The following CYP2B6 variants were observed in gnomAD, a reference collection of about 807,000 sequenced individuals.
CYP2B6 encodes the protein cytochrome P450 2B6.
CYP2B6 carries 35 observed loss-of-function variants against 43.4 expected under a neutral mutation model. The ratio of observed to expected loss-of-function variants is 0.81; its 90% CI spans 0.62 to 1.07. The LOEUF (loss-of-function observed/expected upper bound fraction) is 1.07, where lower values mean the gene tolerates loss of function less well. Ranked by LOEUF, CYP2B6 falls within the 50% of genes least tolerant of loss-of-function variation. The pLI is 0.00. For missense variants in CYP2B6, 624 were observed against 632.8 expected (o/e 0.99, Z 0.15); for synonymous variants, 239 against 239.2 (o/e 1.00, Z 0.01).
chr19:41,000,240 C>T (rs1387819695), intron 1 of CYP2B6, among the ~76,000 whole-genome samples: 3 of 152,258 alleles, frequency 2.0e-5, no homozygotes, highest in African/African-American at 7.2e-5. Context: ...GCTGCCCCTC[C>T]TTACTGAGCC....
At chr19:41,015,627 C>T (rs7259965) in intron 8 of CYP2B6, among the ~76,000 whole-genome samples, 43,646 of 152,062 alleles carry the variant, frequency 0.29, 6,714 homozygotes, top group South Asian at 0.38. Flanking sequence ...CTCTGAGAAT[C>T]AGTGGAAGCC....
chr19:41,000,179 T>G (rs1030910131), intron 1 of CYP2B6, among the ~76,000 whole-genome samples: 1 of 152,102 alleles, frequency 6.6e-6, no homozygotes, highest in African/African-American at 2.4e-5. Flanking sequence ...AGCAGCTCCC[T>G]TGAGAAGACT....
chr19:41,009,982 C>T lies in CYP2B6; in HGVS notation c.823-12C>T. On this transcript the variant is annotated splice_polypyrimidine_tract_variant and intron_variant, in intron 5 of 8. Coordinates refer to ENST00000324071, the MANE Select transcript of CYP2B6 (RefSeq NM_000767.5). The stretch of plus-strand genomic sequence containing the variant: ...CCCTGACCCTCCCCTTCCTTCCCTA[C>T]TGTGGACGCAGGAGAAATCCAACGC... 6.2e-7 allele frequency: 1 copy of T among 1,614,098 alleles called. No individual in the cohort carries two copies. Among genetic ancestry groups the T allele is most frequent in the Non-Finnish European group, 8.5e-7 (1 of 1,180,012 alleles).
Position 41,009,839 on chromosome 19 carries a change from C to T in CYP2B6, c.823-155C>T, listed in dbSNP as rs138285500. 336 of 739,620 alleles carry T rather than the reference C, an allele frequency of 4.5e-4. No homozygotes were observed. In the African/African-American group the frequency reaches 4.7e-3, roughly 10 times the overall value. 45.8% of individuals were successfully genotyped at this position (739,620 alleles called of 1,614,324 possible). On this transcript the variant is annotated intron_variant, in intron 5 of 8. Coordinates refer to ENST00000324071, the MANE Select transcript of CYP2B6 (RefSeq NM_000767.5). ...GGCTGAGAGAGATGAGTTAGAGATA[C>T]GCGGTTGGATGTGTAGAGGACAGAG...
At position 41,010,754 on chromosome 19, in the gene CYP2B6, T is replaced by C. The variant is rs142978769; in HGVS notation, c.964+619T>C. On this transcript the variant is annotated intron_variant, in intron 6 of 8. Coordinates refer to ENST00000324071, the MANE Select transcript of CYP2B6 (RefSeq NM_000767.5). Reference sequence around the variant, plus strand: ...GTATTTATCACCCAAACAGTGTACATTGTACCCATTAAGTAATTTCTCATC... The same window carrying C: ...GTATTTATCACCCAAACAGTGTACACTGTACCCATTAAGTAATTTCTCATC... Among the ~76,000 whole-genome samples the C allele has an allele frequency of 2.0e-5, 3 of 152,268 alleles. No individual in the cohort carries two copies. The South Asian group carries it at 6.2e-4, about 32-fold the overall frequency.
chr19:41,009,931 C>T, intron 5 of CYP2B6, 63 bp from the exon 6 acceptor site: 11 of 1,603,502 alleles, frequency 6.9e-6, no homozygotes, highest in Non-Finnish European at 9.4e-6. Context: ...GGGAGATGGG[C>T]GTATACACAG....
In CYP2B6 at chr19:41,001,575, A is replaced by G. The variant is rs147969222; in HGVS notation, c.172-2426A>G. The stretch of plus-strand genomic sequence containing the variant: ...CGTCAGTTAAGATCATGACAATGAG[A>G]ATGTGTGCCCCTAAGGTGGTTGTGA... On this transcript the variant is annotated intron_variant, in intron 1 of 8. Transcript: ENST00000324071. 1.6e-3 allele frequency among the ~76,000 whole-genome samples: 237 copies of G among 152,240 alleles called. 1 individual carries two copies. The highest frequency in any genetic ancestry group is 5.6e-3 in the African/African-American group (232 of 41,510).
chr19:41,004,461 A>T lies in CYP2B6; in HGVS notation c.484+15A>T. 6.2e-7 allele frequency: 1 copy of T among 1,612,726 alleles called. No homozygotes were observed. Among genetic ancestry groups the T allele is most frequent in the Non-Finnish European group, 8.5e-7 (1 of 1,179,502 alleles). ...GAAATCCAAGGGTGAGTCCTGGGGG[A>T]TGAATAGGAAAGAAAGACAATGAAA... On this transcript the variant is annotated intron_variant, in intron 3 of 8. Coordinates refer to ENST00000324071, the MANE Select transcript of CYP2B6 (RefSeq NM_000767.5).
At chr19:41,001,469 C>T (rs1599844479) in intron 1 of CYP2B6, among the ~76,000 whole-genome samples, 2 of 152,068 alleles carry the variant, frequency 1.3e-5, no homozygotes, top group African/African-American at 4.8e-5. Context: ...CAATAAGCTT[C>T]CAGATTCTTT....
At position 41,009,299 on chromosome 19, in the gene CYP2B6, T is replaced by C. The variant is rs766884221; in HGVS notation, c.726T>C (p.Asn242=). Residue 242 remains asparagine (N), a synonymous_variant, in exon 5 of 9, where the codon AAT becomes AAC. Coordinates refer to ENST00000324071, the MANE Select transcript of CYP2B6 (RefSeq NM_000767.5). ...RQVYKNLQEI[N]AYIGHSVEKH... is the part of the protein sequence containing the mutation. ...TTTACAAAAACCTGCAGGAAATCAA[T>C]GCTTACATTGGCCACAGTGTGGAGA... is the stretch of plus-strand genomic sequence containing the variant. 3.1e-6 allele frequency: 5 copies of C among 1,612,960 alleles called. No individual in the cohort carries two copies. Among genetic ancestry groups the C allele is most frequent in the Non-Finnish European group, 4.2e-6 (5 of 1,179,404 alleles).
At chr19:40,999,777 C>A (rs1403943857) in intron 1 of CYP2B6, among the ~76,000 whole-genome samples, 1 of 152,054 alleles carries the variant, frequency 6.6e-6, no homozygotes. Context: ...CAGCCTTGAA[C>A]TCCTGTGCTC....
At chr19:40,991,745 A>G (rs1381044693) in intron 1 of CYP2B6, among the ~76,000 whole-genome samples, 1 of 152,118 alleles carries the variant, frequency 6.6e-6, no homozygotes, top group Non-Finnish European at 1.5e-5. Flanking sequence ...AGTATGGTCA[A>G]GTGGTATTTA....
chr19:41,002,786 A>G (rs892992248), intron 1 of CYP2B6, among the ~76,000 whole-genome samples: 3 of 152,054 alleles, frequency 2.0e-5, no homozygotes, highest in Non-Finnish European at 2.9e-5. Context: ...TGACCTCGTG[A>G]TCAGCCTGCC....
intron 3 of CYP2B6, among the ~76,000 whole-genome samples, chr19:41,005,521 C>CT (rs1381335327): frequency 1.3e-5 from 2 of 151,766 alleles, no homozygotes; most frequent in Non-Finnish European, 2.9e-5. Flanking sequence ...GGGCTCATGC[C>CT]TGTAATCCCA....
intron 4 of CYP2B6, 47 bp downstream of exon 4, chr19:41,007,112 C>G: frequency 6.3e-7 from 1 of 1,579,466 alleles, no homozygotes. Context: ...GAGGTGAACA[C>G]CCAGAACACA....
In CYP2B6 at chr19:41,018,392, A is replaced by G. The variant is rs1969404017; in HGVS notation, c.*1565A>G. ...AACATCTCTAAAGCCTGACCTCCCC[A>G]CGTCAAGAGGTGATCTGTGCCATTT... On this transcript the variant is annotated 3_prime_UTR_variant, in exon 9 of 9. Transcript: ENST00000324071. 1 of 152,126 alleles carries G rather than the reference A, an allele frequency of 6.6e-6. No individual in the cohort carries two copies. The highest frequency in any genetic ancestry group is 6.5e-5 in the Admixed American group (1 of 15,272). The allele number at this position is 152,126 out of a possible 1,614,324, so 9.4% of individuals were successfully genotyped here.
At chr19:40,995,439 G>A (rs1187953518) in intron 1 of CYP2B6, among the ~76,000 whole-genome samples, 3 of 152,068 alleles carry the variant, frequency 2.0e-5, no homozygotes, top group Non-Finnish European at 4.4e-5. Context: ...AACTTGGTAC[G>A]GTCTCTTCCA....
At chr19:41,001,506 G>T (rs1164829255) in intron 1 of CYP2B6, among the ~76,000 whole-genome samples, 1 of 152,080 alleles carries the variant, frequency 6.6e-6, no homozygotes, top group Admixed American at 6.6e-5. Flanking sequence ...GTGGGCTCGT[G>T]TCTCAGATTC....
At position 41,010,107 on chromosome 19, in the gene CYP2B6, G is replaced by A. The variant is rs770771771; in HGVS notation, c.936G>A (p.Leu312=). Reference sequence around the variant, plus strand: ...GCACCACTCTCCGCTACGGCTTCCTGCTCATGCTCAAATACCCTCATGTTG... The same window carrying A: ...GCACCACTCTCCGCTACGGCTTCCTACTCATGCTCAAATACCCTCATGTTG... ...TTSTTLRYGF[L]LMLKYPHVAE... is the part of the protein sequence containing the mutation. The change falls in exon 6 of 9, where the codon CTG becomes CTA. Residue 312 remains leucine, a synonymous_variant. Transcript: ENST00000324071. The A allele has an allele frequency of 1.9e-6, 3 of 1,613,552 alleles. No individual in the cohort carries two copies. The highest frequency in any genetic ancestry group is 2.2e-5 in the South Asian group (2 of 91,066).
Sources: gnomAD v4.1 joint callset for allele counts (sites outside exome capture counted in the v4.1 genomes callset) on GRCh38, gnomAD v4.1.1 for gene constraint, MANE v1.5 for transcripts, NCBI Gene and HGNC (gene_info 2026-07-23, HGNC 2026-07-21) for gene names.